Variants in RYR1 observed in about 807,000 individuals in gnomAD.
RYR1 encodes central core disease of muscle.
Under a neutral mutation model 583.5 loss-of-function variants are expected in RYR1, and 342 were observed. That is an observed-to-expected ratio of 0.59 (90% confidence interval 0.54 to 0.64). RYR1 has a LOEUF of 0.64. Among genes scored for constraint, RYR1 ranks in the 30% least tolerant of loss-of-function variants. The pLI is 0.00. For synonymous variants in RYR1, 2,791 were observed against 2,822.5 expected (o/e 0.99, Z 0.35); for missense variants, 6,032 against 6,917.2 (o/e 0.87, Z 4.54).
At chr19:38,524,739 CTT>C (rs1181294662) in intron 70 of RYR1, among the ~76,000 whole-genome samples, 1 of 152,208 alleles carries the variant, frequency 6.6e-6, no homozygotes, top group Non-Finnish European at 1.5e-5. Flanking sequence ...CTCTCAGTGT[CTT>C]TTTCTTGCAA....
At chr19:38,495,195 C>T (rs1027717381) in intron 39 of RYR1, among the ~76,000 whole-genome samples, 11 of 151,994 alleles carry the variant, frequency 7.2e-5, no homozygotes, top group African/African-American at 2.4e-4. Context: ...TCTGTAAAAC[C>T]GGGGAGAGCC....
At chr19:38,505,628 TA>T (rs1031552953) in intron 53 of RYR1, among the ~76,000 whole-genome samples, 177 bp from the exon 54 acceptor site, 2 of 152,136 alleles carry the variant, frequency 1.3e-5, no homozygotes, top group African/African-American at 2.4e-5. Context: ...CTCAAGTGTC[TA>T]ATGGGATAAG....
At chr19:38,466,501 C>CTTTT (rs869097541) in intron 24 of RYR1, 103 bp downstream of exon 24, 14 of 641,978 alleles carry the variant, frequency 2.2e-5, no homozygotes, top group Middle Eastern at 4.4e-4. Context: ...TGGGCTATAT[C>CTTTT]TTTTTTTTTT....
chr19:38,561,177 C>T lies in RYR1; in HGVS notation c.12347C>T (p.Ala4116Val), dbSNP rs1190647000. The change falls in exon 90 of 106, where the codon GCG becomes GTG. Residue 4116 changes from alanine (A) to valine (V), a missense_variant. Transcript: ENST00000359596. This position sits in a 1 kb window ranked among gnomAD's most constrained non-coding sequence, Gnocchi z 4.8. ...EIQFLLSCSE[A>V]DENEMINCEE... ...CAGTTCCTGCTTTCGTGCTCCGAAG[C>T]GGATGAGAACGAAATGATCAACTGC... 3 of 1,614,160 alleles carry T rather than the reference C, an allele frequency of 1.9e-6. No individual in the cohort carries two copies. The highest frequency in any genetic ancestry group is 2.5e-6 in the Non-Finnish European group (3 of 1,180,026).
intron 81 of RYR1, 152 bp downstream of exon 81, chr19:38,535,544 A>T (rs113611984): frequency 1.4e-6 from 1 of 717,120 alleles, no homozygotes. Context: ...TATTATAAGA[A>T]TTAATGTAGA....
chr19:38,575,830 G>A (rs540896419), intron 96 of RYR1, 89 bp from the exon 97 acceptor site: 4 of 1,379,080 alleles, frequency 2.9e-6, no homozygotes, highest in Non-Finnish European at 3.1e-6. Context: ...AAAAACAGTG[G>A]AGTTTCAGCC....
chr19:38,582,587 G>A (rs1974264572), intron 101 of RYR1, among the ~76,000 whole-genome samples: 1 of 151,944 alleles, frequency 6.6e-6, no homozygotes, highest in African/African-American at 2.4e-5. Context: ...GGAGTTTGAG[G>A]TTGCAGTGTG....
In RYR1 at chr19:38,469,374, C is replaced by T. The variant is rs766056887; in HGVS notation, c.3626C>T (p.Ser1209Phe). Residue 1209 changes from serine to phenylalanine, a missense_variant, in exon 27 of 106, where the codon TCT becomes TTT. Around this residue, in one of 11 missense-constraint regions of RYR1, gnomAD observed 2,627 missense variants for 2,961.3 expected, o/e 0.89. Transcript: ENST00000359596. ...CTGAACCTGGGCCAGGACGTGAGCTCTCTGAGGTTCTTTGCCATCTGTGGC... is the reference window on the plus strand; with the variant it reads ...CTGAACCTGGGCCAGGACGTGAGCTTTCTGAGGTTCTTTGCCATCTGTGGC... ...GHLNLGQDVS[S>F]LRFFAICGLQ... 1 of 1,614,110 alleles carries T rather than the reference C, an allele frequency of 6.2e-7. No individual in the cohort carries two copies. The highest frequency in any genetic ancestry group is 1.1e-5 in the South Asian group (1 of 91,084).
chr19:38,563,010 C>G (rs976353769), intron 90 of RYR1, among the ~76,000 whole-genome samples: 8 of 152,182 alleles, frequency 5.3e-5, no homozygotes, highest in African/African-American at 1.9e-4. Context: ...ACATCCCTGC[C>G]TCTGCAGGAA....
intron 29 of RYR1, among the ~76,000 whole-genome samples, chr19:38,476,572 A>G (rs1288831450): frequency 6.6e-6 from 1 of 152,068 alleles, no homozygotes; most frequent in Non-Finnish European, 1.5e-5. Context: ...ACCTCAAATG[A>G]TCCTACTGCC....
chr19:38,550,300 C>A (rs894258413), intron 89 of RYR1, among the ~76,000 whole-genome samples: 2 of 152,136 alleles, frequency 1.3e-5, no homozygotes, highest in South Asian at 2.1e-4. Flanking sequence ...CAGTCTGGAA[C>A]TGTGCCTGGG....
intron 2 of RYR1, among the ~76,000 whole-genome samples, chr19:38,441,555 G>A (rs186705654): frequency 3.3e-5 from 5 of 151,610 alleles, no homozygotes; most frequent in African/African-American, 9.7e-5. Context: ...AGTCTGAGAG[G>A]GCAGGGGATC....
In RYR1 at chr19:38,440,828, C is replaced by T; in HGVS notation, c.129C>T (p.Asn43=). 1 of 1,611,204 alleles carries T rather than the reference C, an allele frequency of 6.2e-7. No homozygotes were observed. Among genetic ancestry groups the T allele is most frequent in the Non-Finnish European group, 8.5e-7 (1 of 1,179,436 alleles). The stretch of plus-strand genomic sequence containing the variant: ...GCCTGGCCGCCGAGGGCTTCGGCAA[C>T]CGCCTGTGCTTCCTGGAGCCCACTA... ...KLCLAAEGFG[N]RLCFLEPTSN... is the part of the protein sequence containing the mutation. The change falls in exon 2 of 106, where the codon AAC becomes AAT. Residue 43 remains asparagine, a synonymous_variant. Transcript: ENST00000359596.
At chr19:38,475,535 A>T in intron 29 of RYR1, 85 bp downstream of exon 29, 1 of 1,545,916 alleles carries the variant, frequency 6.5e-7, no homozygotes, top group African/African-American at 1.4e-5. Flanking sequence ...GACAGTCCCC[A>T]GTAGCTGCCC....
intron 89 of RYR1, among the ~76,000 whole-genome samples, chr19:38,556,036 G>A (rs1182045742): frequency 6.6e-6 from 1 of 151,886 alleles, no homozygotes; most frequent in Non-Finnish European, 1.5e-5. Context: ...GCTAATTTTT[G>A]TATTTTTAGT....
At chr19:38,469,768 AAAT>A (rs1386369354) in intron 27 of RYR1, among the ~76,000 whole-genome samples, 2 of 151,972 alleles carry the variant, frequency 1.3e-5, no homozygotes, top group African/African-American at 4.8e-5. Context: ...CCATCTCTAA[AAAT>A]AAAAAAAAAT....
In RYR1 at chr19:38,489,378, G is replaced by T. The variant is rs781075511; in HGVS notation, c.5749G>T (p.Glu1917Ter). The change falls in exon 35 of 106, where the codon GAG becomes TAG. Residue 1917 changes from glutamate (E) to a stop codon, truncating the protein, a stop_gained. Transcript: ENST00000359596. LOFTEE classifies it high-confidence loss of function. ...AGAGGAAGAGGAGGCAGCAGAAGGG[G>T]AGAAAGAAGAAGGCTTGGAGGAAGG... ...EKEEEEAAEG[E>*]KEEGLEEGLL... 4 of 1,614,070 alleles carry T rather than the reference G, an allele frequency of 2.5e-6. No individual in the cohort carries two copies. The highest frequency in any genetic ancestry group is 2.5e-6 in the Non-Finnish European group (3 of 1,179,938).
intron 105 of RYR1, 81 bp from the exon 106 acceptor site, chr19:38,587,244 C>T: frequency 5.2e-6 from 5 of 969,310 alleles, no homozygotes; most frequent in Non-Finnish European, 8.2e-6. Context: ...CAGAGCAACA[C>T]CCTGTCTAAA....
chr19:38,446,781 AG>A lies in RYR1; in HGVS notation c.800+14del, dbSNP rs1972964703. The A allele has an allele frequency of 6.2e-7, 1 of 1,610,238 alleles. No individual in the cohort carries two copies. Among genetic ancestry groups the A allele is most frequent in the Admixed American group, 1.7e-5 (1 of 59,964 alleles). ...CACTGAGAATCAGGTAGGGCGGGGA[AG>A]ATGGGGAGAGACCAGGGAGAGGCTG... On this transcript the variant is annotated intron_variant, in intron 9 of 105. Transcript: ENST00000359596.
Sources: allele counts gnomAD v4.1 joint callset (sites outside exome capture counted in the v4.1 genomes callset), GRCh38; gene constraint gnomAD v4.1.1; regional missense constraint gnomAD v4.1.1; non-coding constraint Gnocchi (gnomAD v3.1); transcripts MANE v1.5; gene names NCBI Gene and HGNC (gene_info 2026-07-23, HGNC 2026-07-21).